Variants in DCUN1D4 observed in about 807,000 individuals in gnomAD.
The protein encoded by DCUN1D4 is defective in cullin neddylation 1 domain containing 4.
A neutral mutation model predicts 47.9 loss-of-function variants in DCUN1D4; 22 were observed. The ratio of observed to expected loss-of-function variants is 0.46; its 90% confidence interval spans 0.33 to 0.66. DCUN1D4 has a LOEUF of 0.66. Among genes scored for constraint, DCUN1D4 ranks in the 30% least tolerant of loss-of-function variants. DCUN1D4 has a pLI of 0.02. For synonymous variants in DCUN1D4, 121 were observed against 112.2 expected, an observed-to-expected ratio of 1.08 and a Z score of -0.50; for missense variants, 301 against 340.8, an observed-to-expected ratio of 0.88 and a Z score of 0.92.
chr4:51,876,784 G>A (rs1727770644), intron 4 of DCUN1D4, among the ~76,000 whole-genome samples: 1 of 151,176 alleles, frequency 6.6e-6, no homozygotes, highest in Non-Finnish European at 1.5e-5. Flanking sequence ...GTATAGGTGG[G>A]GGTCCTGGAA....
At chr4:51,861,097 T>G (rs1724982639) in intron 1 of DCUN1D4, among the ~76,000 whole-genome samples, 1 of 152,338 alleles carries the variant, frequency 6.6e-6, no homozygotes, top group South Asian at 2.1e-4. Context: ...AATAGGTGTC[T>G]GATAAATATT....
At chr4:51,909,274 G>GA (rs11415305) in intron 8 of DCUN1D4, 98,492 of 262,144 alleles carry the variant, frequency 0.38, 22,401 homozygotes, top group African/African-American at 0.69. Context: ...TCTGCAAAGG[G>GA]AAAACTCTTC....
At chr4:51,892,110 G>A (rs1730522300) in intron 7 of DCUN1D4, among the ~76,000 whole-genome samples, 1 of 152,152 alleles carries the variant, frequency 6.6e-6, no homozygotes, top group South Asian at 2.1e-4. Flanking sequence ...AGGAGAAACA[G>A]ACCAACATTT....
intron 1 of DCUN1D4, chr4:51,844,341 G>C: frequency 1.0e-6 from 1 of 984,946 alleles, no homozygotes; most frequent in Non-Finnish European, 1.2e-6. Flanking sequence ...TGGAGGAGAC[G>C]GGGTAAGTGC....
At chr4:51,875,335 C>T (rs1192566301) in intron 4 of DCUN1D4, 1 of 152,094 alleles carries the variant, frequency 6.6e-6, no homozygotes, top group Non-Finnish European at 1.5e-5. Flanking sequence ...GTGGTGTGGA[C>T]GTTATTATCA....
chr4:51,850,539 A>G (rs1723217069), intron 1 of DCUN1D4, among the ~76,000 whole-genome samples: 1 of 152,190 alleles, frequency 6.6e-6, no homozygotes, highest in Non-Finnish European at 1.5e-5. Flanking sequence ...CAGAGCCCTC[A>G]TGCCTAAAAA....
At chr4:51,907,487 A>G (rs1733073488) in intron 8 of DCUN1D4, among the ~76,000 whole-genome samples, 1 of 152,192 alleles carries the variant, frequency 6.6e-6, no homozygotes, top group African/African-American at 2.4e-5. Flanking sequence ...TGTGGCCTCA[A>G]TTGGAACACC....
intron 1 of DCUN1D4, chr4:51,844,881 C>T: frequency 1.0e-6 from 1 of 985,406 alleles, no homozygotes; most frequent in African/African-American, 1.7e-5. Context: ...AGCCTTCCTG[C>T]TCGGCCAACT....
Position 51,891,852 on chromosome 4 carries a change from G to C in DCUN1D4, c.506+1G>C. The C allele has an allele frequency of 6.2e-7, 1 of 1,607,938 alleles. No homozygotes were observed. Among genetic ancestry groups the C allele is most frequent in the Non-Finnish European group, 8.5e-7 (1 of 1,176,432 alleles). ...GGTTAAAAGGAATGACTTCTCTCCA[G>C]TAAGTCCTAGGCTGCACTAGTGGGG... On this transcript the variant is annotated splice_donor_variant, in intron 7 of 10. Transcript: ENST00000334635. LOFTEE classifies it high-confidence loss of function.
chr4:51,910,729 A>G (rs1478728704), intron 8 of DCUN1D4: 1 of 276,210 alleles, frequency 3.6e-6, no homozygotes, highest in African/African-American at 2.2e-5. Flanking sequence ...GATAATTATC[A>G]TAAATATCAA....
intron 1 of DCUN1D4, among the ~76,000 whole-genome samples, chr4:51,854,062 A>AC (rs1723772025): frequency 1.3e-5 from 2 of 152,238 alleles, no homozygotes; most frequent in South Asian, 4.1e-4. Flanking sequence ...TATGAAACTG[A>AC]CCCATAAACC....
At position 51,891,873 on chromosome 4, in the gene DCUN1D4, T is replaced by C. The variant is rs1186094019; in HGVS notation, c.506+22T>C. The C allele has an allele frequency of 3.8e-6, 6 of 1,564,844 alleles. No individual in the cohort carries two copies. In the Admixed American group the frequency reaches 8.9e-5, roughly 23 times the overall value. On this transcript the variant is annotated intron_variant, in intron 7 of 10. Transcript: ENST00000334635. Reference sequence around the variant, plus strand: ...TCCAGTAAGTCCTAGGCTGCACTAGTGGGGGTCCCTGCCCTTCCCAGGTGG... The same window carrying C: ...TCCAGTAAGTCCTAGGCTGCACTAGCGGGGGTCCCTGCCCTTCCCAGGTGG...
intron 8 of DCUN1D4, chr4:51,910,832 G>A: frequency 5.6e-6 from 3 of 539,574 alleles, no homozygotes; most frequent in Middle Eastern, 4.9e-4. Flanking sequence ...GCATTAGGGT[G>A]ATCATTCAGT....
intron 7 of DCUN1D4, among the ~76,000 whole-genome samples, chr4:51,896,414 C>T (rs963395220): frequency 6.6e-5 from 10 of 152,150 alleles, no homozygotes; most frequent in African/African-American, 9.7e-5. Flanking sequence ...AACAAACAAC[C>T]GCTCTTCTTC....
intron 3 of DCUN1D4, among the ~76,000 whole-genome samples, chr4:51,870,960 C>A (rs1185236508): frequency 1.3e-5 from 2 of 152,068 alleles, no homozygotes. Flanking sequence ...ATTCCCTTCC[C>A]TTGCCTGGAT....
At chr4:51,847,109 C>G (rs1176443346) in intron 1 of DCUN1D4, among the ~76,000 whole-genome samples, 1 of 152,132 alleles carries the variant, frequency 6.6e-6, no homozygotes, top group Non-Finnish European at 1.5e-5. Flanking sequence ...AAGATATGGC[C>G]TTTCGTAGGG....
chr4:51,913,711 T>C lies in DCUN1D4; in HGVS notation c.*127T>C, dbSNP rs1256119437. On this transcript the variant is annotated 3_prime_UTR_variant, in exon 11 of 11. Coordinates refer to ENST00000334635, the MANE Select transcript of DCUN1D4 (RefSeq NM_001040402.3). ...CTGTTTCCCTTTCGCAGGGACATGT[T>C]GGTGTTTGCTATTGAATTGGCCAGC... 1 of 848,590 alleles carries C rather than the reference T, an allele frequency of 1.2e-6. No homozygotes were observed. Among genetic ancestry groups the C allele is most frequent in the Non-Finnish European group, 1.9e-6 (1 of 529,354 alleles). 52.6% of individuals were successfully genotyped at this position (848,590 alleles called of 1,614,324 possible).
chr4:51,842,154 C>T (rs1004333893), upstream of DCUN1D4, among the ~76,000 whole-genome samples: 8 of 152,140 alleles, frequency 5.3e-5, no homozygotes, highest in South Asian at 4.1e-4. Context: ...TTAACGTCTC[C>T]CTCTGCCAAA....
intron 8 of DCUN1D4, chr4:51,909,430 G>A (rs913659326): frequency 3.1e-5 from 5 of 160,318 alleles, no homozygotes; most frequent in East Asian, 1.8e-4. Flanking sequence ...TGCTGTTGCC[G>A]TCTGCCACAC....
Sources: gnomAD v4.1 joint callset for allele counts (sites outside exome capture counted in the v4.1 genomes callset) on GRCh38, gnomAD v4.1.1 for gene constraint, MANE v1.5 for transcripts, NCBI Gene and HGNC (gene_info 2026-07-23, HGNC 2026-07-21) for gene names.